The following ARHGEF40 variants were observed in gnomAD, a reference collection of about 807,000 sequenced individuals.
The protein encoded by ARHGEF40 is Rho guanine nucleotide exchange factor (GEF) 40.
Under a neutral mutation model 165.9 loss-of-function variants are expected in ARHGEF40, and 98 were observed. That is an observed-to-expected ratio of 0.59 (90% CI 0.50 to 0.70). ARHGEF40 has a LOEUF of 0.70. Among genes scored for constraint, ARHGEF40 ranks in the 30% least tolerant of loss-of-function variants. The pLI is 0.00. For synonymous variants in ARHGEF40, 792 were observed against 814.3 expected, an observed-to-expected ratio of 0.97 and a Z score of 0.47; for missense variants, 1,815 against 1,968.0, an observed-to-expected ratio of 0.92 and a Z score of 1.47.
Position 21,079,091 on chromosome 14 carries a change from A to T in ARHGEF40, c.2373+81A>T, listed in dbSNP as rs188040311. On this transcript the variant is annotated intron_variant, in intron 11 of 23. Coordinates refer to ENST00000298694, the MANE Select transcript of ARHGEF40 (RefSeq NM_018071.5). Reference sequence around the variant, plus strand: ...CCTTTCCCGTTGGTACTTATAGTTGATGGTGTTCTTCTAGCCTGGCTTGGT... The same window carrying T: ...CCTTTCCCGTTGGTACTTATAGTTGTTGGTGTTCTTCTAGCCTGGCTTGGT... 1.4e-4 allele frequency: 212 copies of T among 1,519,786 alleles called. No individual in the cohort carries two copies. In the African/African-American group the frequency reaches 2.5e-3, roughly 18 times the overall value. The allele number at this position is 1,519,786 out of a possible 1,614,324, so 94.1% of individuals were successfully genotyped here.
chr14:21,088,663 G>A (rs751167612), intron 22 of ARHGEF40, among the ~76,000 whole-genome samples, 167 bp from the exon 23 acceptor site: 2 of 152,148 alleles, frequency 1.3e-5, no homozygotes, highest in Non-Finnish European at 2.9e-5. Flanking sequence ...TCCAACCTGG[G>A]CAACAGTGAG....
intron 1 of ARHGEF40, among the ~76,000 whole-genome samples, chr14:21,071,903 C>T (rs943991): frequency 0.45 from 68,867 of 152,036 alleles, 16,379 homozygotes; most frequent in Non-Finnish European, 0.54. Flanking sequence ...GAGTGGTTGC[C>T]CTAACTTCCC....
chr14:21,070,617 TC>T lies in ARHGEF40; in HGVS notation c.3+220del, dbSNP rs549612692. On this transcript the variant is annotated intron_variant, in intron 1 of 23. Transcript: ENST00000298694. This position sits in a 1 kb window ranked among gnomAD's most constrained non-coding sequence, Gnocchi z 4.7. ...TTGCCCTCACCCTTTCTTCCTCCTC[TC>T]CTCCGCCTCCTCCCCCATCCTCCCT... Among the ~76,000 whole-genome samples the T allele has an allele frequency of 6.6e-6, 1 of 151,714 alleles. No individual in the cohort carries two copies. The highest frequency in any genetic ancestry group is 1.5e-5 in the Non-Finnish European group (1 of 67,914).
intron 1 of ARHGEF40, among the ~76,000 whole-genome samples, chr14:21,071,809 C>T (rs1361510629): frequency 6.6e-6 from 1 of 152,236 alleles, no homozygotes; most frequent in African/African-American, 2.4e-5. Context: ...TCCGCCTGGT[C>T]CCGGGAACAC....
Position 21,081,995 on chromosome 14 carries a change from A to G in ARHGEF40, c.3127A>G (p.Thr1043Ala). 1 of 1,582,900 alleles carries G rather than the reference A, an allele frequency of 6.3e-7. No individual in the cohort carries two copies. Among genetic ancestry groups the G allele is most frequent in the Non-Finnish European group, 8.6e-7 (1 of 1,164,146 alleles). The change falls in exon 14 of 24, where the codon ACC becomes GCC. Residue 1043 changes from threonine (T) to alanine (A), a missense_variant. By Grantham distance (58) the Thr-to-Ala change is moderately conservative. Coordinates refer to ENST00000298694, the MANE Select transcript of ARHGEF40 (RefSeq NM_018071.5). ...TGTGCTGATCCGAGGCCTGGAGGTCACCAGCACTGAGGTGGTAGACAGGAC... is the reference window on the plus strand; with the variant it reads ...TGTGCTGATCCGAGGCCTGGAGGTCGCCAGCACTGAGGTGGTAGACAGGAC... The part of the protein sequence containing the change: ...RAVLIRGLEV[T>A]STEVVDRTCS...
chr14:21,078,115 C>CTAGG (rs1887572786), intron 8 of ARHGEF40, 62 bp from the exon 9 acceptor site: 12 of 1,494,232 alleles, frequency 8.0e-6, no homozygotes, highest in African/African-American at 1.4e-5. Flanking sequence ...CACCCCAACC[C>CTAGG]TAGGGCTTAA....
In ARHGEF40 at chr14:21,075,690, C is replaced by G; in HGVS notation, c.1664C>G (p.Pro555Arg). 1 of 1,613,902 alleles carries G rather than the reference C, an allele frequency of 6.2e-7. No individual in the cohort carries two copies. Among genetic ancestry groups the G allele is most frequent in the Non-Finnish European group, 8.5e-7 (1 of 1,179,992 alleles). ...SGRALLTITPPCPPEEPPPSR... is the reference protein window; with the variant it reads ...SGRALLTITPRCPPEEPPPSR... ...CGAGCTCTGCTGACCATTACCCCAC[C>G]GTGCCCTCCTGAGGAGCCCCCACCC... The change falls in exon 5 of 24, where the codon CCG (proline) becomes CGG (arginine). Residue 555 changes from proline (P) to arginine (R), a missense_variant. Transcript: ENST00000298694. The surrounding 1 kb of genome is among the most constrained non-coding windows in gnomAD (Gnocchi z 4.5).
intron 11 of ARHGEF40, 77 bp from the exon 12 acceptor site, chr14:21,080,582 TG>T: frequency 2.7e-6 from 4 of 1,493,372 alleles, no homozygotes; most frequent in South Asian, 2.6e-5. Flanking sequence ...ATTGGGGTGG[TG>T]GGGCTGATGC....
chr14:21,063,599 C>G, the ARHGEF40 span, among the ~76,000 whole-genome samples: 1 of 152,092 alleles, frequency 6.6e-6, no homozygotes, highest in East Asian at 1.9e-4. Flanking sequence ...GTTCTGAAGT[C>G]TGGAGGATGG....
chr14:21,065,901 C>A (rs1428616921), upstream of ARHGEF40, among the ~76,000 whole-genome samples: 1 of 152,174 alleles, frequency 6.6e-6, no homozygotes, highest in African/African-American at 2.4e-5. Flanking sequence ...GAGTTTGAGA[C>A]CAGCCTGGCC....
At chr14:21,083,356 T>C (rs1888081518) in intron 16 of ARHGEF40, among the ~76,000 whole-genome samples, 1 of 148,418 alleles carries the variant, frequency 6.7e-6, no homozygotes, top group African/African-American at 2.5e-5. Flanking sequence ...CTGGCCAATA[T>C]AGTGAAACCC....
chr14:21,083,879 G>T lies in ARHGEF40; in HGVS notation c.3618G>T (p.Gln1206His). The T allele has an allele frequency of 6.2e-7, 1 of 1,614,042 alleles. No homozygotes were observed. The highest frequency in any genetic ancestry group is 1.1e-5 in the South Asian group (1 of 91,072). ...CTTACCTGCCCCGAGCCCTGCAGCA[G>T]CCTCTGGAACAGCTGACTCGGTATG... Reference protein sequence around the residue: ...AGPYLPRALQQPLEQLTRYGR... With the variant: ...AGPYLPRALQHPLEQLTRYGR... Residue 1206 changes from glutamine to histidine, a missense_variant, in exon 17 of 24, where the codon CAG (glutamine) becomes CAT (histidine). By Grantham distance (24) the Gln-to-His change is conservative. Coordinates refer to ENST00000298694, the MANE Select transcript of ARHGEF40 (RefSeq NM_018071.5).
intron 20 of ARHGEF40, 23 bp from the exon 21 acceptor site, chr14:21,087,297 C>CCCCCACT (rs770853499): frequency 6.3e-7 from 1 of 1,599,598 alleles, no homozygotes; most frequent in South Asian, 1.1e-5. Context: ...AGCACCCCAC[C>CCCCCACT]CCCCACTCCC....
rs1252245263 is a variant in ARHGEF40, at chr14:21,076,301, A to G, written c.1740-59A>G. The stretch of plus-strand genomic sequence containing the variant: ...AGACCCCGTATGTCTGCCTTGCCTT[A>G]TCTGCTATCCCCCAAAACACACACA... On this transcript the variant is annotated intron_variant, in intron 5 of 23. Transcript: ENST00000298694. 5.0e-6 allele frequency: 7 copies of G among 1,411,974 alleles called. No individual in the cohort carries two copies. In the Admixed American group the frequency reaches 8.7e-5, roughly 18 times the overall value. 87.5% of individuals were successfully genotyped at this position (1,411,974 alleles called of 1,614,324 possible).
rs766559938 is a variant in ARHGEF40, at chr14:21,082,136, A to G, written c.3251+17A>G. 1.0e-4 allele frequency: 162 copies of G among 1,562,874 alleles called. No individual in the cohort carries two copies. Among genetic ancestry groups the G allele is most frequent in the Middle Eastern group, 6.7e-4 (4 of 5,990 alleles). On this transcript the variant is annotated intron_variant, in intron 14 of 23. Coordinates refer to ENST00000298694, the MANE Select transcript of ARHGEF40 (RefSeq NM_018071.5). Reference sequence around the variant, plus strand: ...AAGCATCAGGTGAGATCCCAGCCCAACTGGTGCTAAGAGGCGGAGCCAACT... The same window carrying G: ...AAGCATCAGGTGAGATCCCAGCCCAGCTGGTGCTAAGAGGCGGAGCCAACT...
At chr14:21,077,366 G>A (rs913220153) in intron 8 of ARHGEF40, among the ~76,000 whole-genome samples, 7 of 139,946 alleles carry the variant, frequency 5.0e-5, no homozygotes, top group South Asian at 4.5e-4. Flanking sequence ...TGATCCACCC[G>A]TCTCAGCCTC....
rs1887929004 is a variant in ARHGEF40 at position 21,081,802 on chromosome 14, C to G, written c.2934C>G (p.Ala978=). The G allele has an allele frequency of 6.2e-7, 1 of 1,601,410 alleles. No homozygotes were observed. The highest frequency in any genetic ancestry group is 1.3e-5 in the African/African-American group (1 of 74,694). ...CAGACGGTGCCAGCAGTGGAGGGGC[C>G]CAGTGGGGGCCCCGCAGCCCCTCGC... The part of the protein sequence containing the change: ...RRADGASSGG[A]QWGPRSPSPS... The change falls in exon 14 of 24, where the codon GCC becomes GCG. Residue 978 remains alanine, a synonymous_variant. Transcript: ENST00000298694.
chr14:21,079,139 A>C, intron 11 of ARHGEF40, 129 bp downstream of exon 11: 1 of 1,289,002 alleles, frequency 7.8e-7, no homozygotes, highest in Non-Finnish European at 1.0e-6. Flanking sequence ...CCTCCTCCTC[A>C]CATTTGTTGG....
chr14:21,085,214 G>C (rs1379584333), intron 18 of ARHGEF40, among the ~76,000 whole-genome samples: 1 of 152,160 alleles, frequency 6.6e-6, no homozygotes, highest in Admixed American at 6.5e-5. Context: ...TTTGGAATTA[G>C]GGGTGGTTCC....
Sources: allele counts gnomAD v4.1 joint callset (sites outside exome capture counted in the v4.1 genomes callset), GRCh38; gene constraint gnomAD v4.1.1; non-coding constraint Gnocchi (gnomAD v3.1); transcripts MANE v1.5; gene names NCBI Gene and HGNC (gene_info 2026-07-23, HGNC 2026-07-21).